The following EXOC4 variants were observed in gnomAD, a reference collection of about 807,000 sequenced individuals.
EXOC4 encodes SEC8-like 1.
A neutral mutation model predicts 107.2 loss-of-function variants in EXOC4; 71 were observed. The observed-to-expected ratio is 0.66, with a 90% CI of 0.55 to 0.81. The LOEUF (loss-of-function observed/expected upper bound fraction) is 0.81, where lower values mean the gene tolerates loss of function less well. Among genes scored for constraint, EXOC4 ranks in the 30% least tolerant of loss-of-function variants. The probability of loss-of-function intolerance (pLI) is 0.00; values close to 1 mark genes in which losing one functional copy is unlikely to be tolerated. For missense variants in EXOC4, 1,108 were observed against 1,189.6 expected, an observed-to-expected ratio of 0.93 and a Z score of 1.01; for synonymous variants, 456 against 441.2, an observed-to-expected ratio of 1.03 and a Z score of -0.42.
intron 7 of EXOC4, among the ~76,000 whole-genome samples, chr7:133,445,292 C>T (rs2150798581): frequency 6.6e-6 from 1 of 152,270 alleles, no homozygotes; most frequent in East Asian, 1.9e-4. Flanking sequence ...AAAGAGATGG[C>T]TGGAACGTGT....
chr7:133,854,408 GCA>G (rs56849407), intron 11 of EXOC4, among the ~76,000 whole-genome samples: 35,990 of 139,216 alleles, frequency 0.26, 4,717 homozygotes, highest in South Asian at 0.36. Flanking sequence ...TGTTGAAAGA[GCA>G]CACACACACA....
chr7:133,611,251 G>A (rs754402669), intron 9 of EXOC4, among the ~76,000 whole-genome samples: 9 of 152,162 alleles, frequency 5.9e-5, no homozygotes, highest in African/African-American at 1.2e-4. Context: ...TCACTTTAGC[G>A]TGGTTGATGA....
intron 14 of EXOC4, among the ~76,000 whole-genome samples, chr7:133,995,060 C>T (rs1794354964): frequency 6.6e-6 from 1 of 152,054 alleles, no homozygotes; most frequent in South Asian, 2.1e-4. Flanking sequence ...ATCTTTTTGC[C>T]ATAGATTATG....
chr7:133,286,066 T>A (rs78009664), intron 2 of EXOC4, among the ~76,000 whole-genome samples: 1,787 of 152,260 alleles, frequency 0.012, 28 homozygotes, highest in African/African-American at 0.04. Context: ...GGCAGTTTTT[T>A]AAAAAAATTA....
intron 14 of EXOC4, among the ~76,000 whole-genome samples, chr7:133,961,952 G>A (rs766098991): frequency 1.1e-4 from 16 of 152,176 alleles, no homozygotes; most frequent in Non-Finnish European, 2.1e-4. Context: ...GGAAGGTGGT[G>A]GCCGCCCTCA....
intron 9 of EXOC4, among the ~76,000 whole-genome samples, chr7:133,565,342 T>C (rs1026567108): frequency 3.9e-5 from 6 of 152,166 alleles, no homozygotes; most frequent in Non-Finnish European, 8.8e-5. Flanking sequence ...GTTATGATCA[T>C]TAAAAAGAAA....
chr7:133,969,776 C>G (rs1447463559), intron 14 of EXOC4, among the ~76,000 whole-genome samples: 1 of 152,198 alleles, frequency 6.6e-6, no homozygotes, highest in Non-Finnish European at 1.5e-5. Context: ...TGTCTGTCGA[C>G]CCCTGCTGGG....
chr7:133,875,464 A>G (rs1798828156), intron 11 of EXOC4, among the ~76,000 whole-genome samples: 2 of 152,108 alleles, frequency 1.3e-5, no homozygotes. Context: ...TTTAGAGGGC[A>G]GGGTTTGAGG....
At chr7:133,634,794 T>C (rs1208329799) in intron 10 of EXOC4, among the ~76,000 whole-genome samples, 1 of 152,204 alleles carries the variant, frequency 6.6e-6, no homozygotes, top group Non-Finnish European at 1.5e-5. Context: ...TAATGGGTCA[T>C]CTAATCAGTG....
chr7:133,846,709 A>G (rs1215371932), intron 11 of EXOC4, among the ~76,000 whole-genome samples: 1 of 152,234 alleles, frequency 6.6e-6, no homozygotes, highest in African/African-American at 2.4e-5. Context: ...AGCCATAGAC[A>G]ACATATATAT....
At chr7:133,662,810 G>A (rs1343650690) in intron 10 of EXOC4, among the ~76,000 whole-genome samples, 1 of 152,132 alleles carries the variant, frequency 6.6e-6, no homozygotes, top group Non-Finnish European at 1.5e-5. Context: ...TTGCTAAGAA[G>A]CAGTAGATAG....
intron 1 of EXOC4, among the ~76,000 whole-genome samples, chr7:133,267,375 C>T (rs1793756457): frequency 6.6e-6 from 1 of 152,180 alleles, no homozygotes; most frequent in East Asian, 1.9e-4. Flanking sequence ...CATTGACCTC[C>T]TTGCCATTCC....
At chr7:133,520,736 CTT>C (rs1290932912) in intron 9 of EXOC4, among the ~76,000 whole-genome samples, 1 of 152,114 alleles carries the variant, frequency 6.6e-6, no homozygotes, top group African/African-American at 2.4e-5. Flanking sequence ...CTTCATTCCT[CTT>C]GTCTTAATTT....
intron 10 of EXOC4, among the ~76,000 whole-genome samples, chr7:133,802,584 C>T (rs1387326814): frequency 1.3e-5 from 2 of 152,074 alleles, no homozygotes; most frequent in African/African-American, 2.4e-5. Flanking sequence ...ATAGGCCGGG[C>T]GCAGTGGCTC....
chr7:133,697,114 G>A (rs1455435767), intron 10 of EXOC4, among the ~76,000 whole-genome samples: 1 of 152,116 alleles, frequency 6.6e-6, no homozygotes, highest in Non-Finnish European at 1.5e-5. Context: ...GACCTGGGAA[G>A]TGTTTGTTTG....
intron 10 of EXOC4, among the ~76,000 whole-genome samples, chr7:133,752,773 C>T (rs906461556): frequency 6.6e-6 from 1 of 152,176 alleles, no homozygotes; most frequent in African/African-American, 2.4e-5. Flanking sequence ...CTTGACTCAA[C>T]GTGTAAATGT....
Position 133,834,132 on chromosome 7 carries a change from G to A in EXOC4, c.1734+16588G>A, listed in dbSNP as rs531199275. 1.1e-4 allele frequency among the ~76,000 whole-genome samples: 17 copies of A among 152,146 alleles called. 1 individual carries two copies. The East Asian group carries it at 3.1e-3, about 28-fold the overall frequency. The stretch of plus-strand genomic sequence containing the variant: ...AAGCAGAATTGTGGGATATGATGAG[G>A]TTTCTCTTCAAATAATCTGATCAAT... On this transcript the variant is annotated intron_variant, in intron 11 of 17. Coordinates refer to ENST00000253861, the MANE Select transcript of EXOC4 (RefSeq NM_021807.4).
At chr7:133,592,016 C>T in intron 9 of EXOC4, among the ~76,000 whole-genome samples, 1 of 152,146 alleles carries the variant, frequency 6.6e-6, no homozygotes, top group South Asian at 2.1e-4. Context: ...AGTATGCCAA[C>T]ATGTGACAAA....
chr7:133,966,239 G>A (rs562061256), intron 14 of EXOC4, among the ~76,000 whole-genome samples: 5 of 152,106 alleles, frequency 3.3e-5, no homozygotes, highest in Non-Finnish European at 7.4e-5. Context: ...GAGATGATGG[G>A]GTTTTCTAAA....
Sources: allele counts gnomAD v4.1 joint callset (sites outside exome capture counted in the v4.1 genomes callset), GRCh38; gene constraint gnomAD v4.1.1; transcripts MANE v1.5; gene names NCBI Gene and HGNC (gene_info 2026-07-23, HGNC 2026-07-21).